Variants in TMEM232 observed in about 807,000 individuals in gnomAD.
The protein encoded by TMEM232 is transmembrane protein 232.
TMEM232 carries 80 observed loss-of-function variants against 78.8 expected under a neutral mutation model. The observed-to-expected ratio is 1.01, with a 90% CI of 0.85 to 1.22. The LOEUF (loss-of-function observed/expected upper bound fraction) is 1.22, where lower values mean the gene tolerates loss of function less well. TMEM232 is among the 50% of genes most tolerant of loss of function. The pLI is 0.00. For missense variants in TMEM232, 881 were observed against 742.2 expected, an observed-to-expected ratio of 1.19 and a Z score of -2.17; for synonymous variants, 297 against 254.3, an observed-to-expected ratio of 1.17 and a Z score of -1.60.
At position 110,654,115 on chromosome 5, in the gene TMEM232, A is replaced by C. The variant is rs568096136; in HGVS notation, c.126-11744T>G. On this transcript the variant is annotated intron_variant, in intron 2 of 13. Transcript: ENST00000455884. ...TATGGGGTGCAAATTCCTTCTCTGA[A>C]AAGTGTTCGTTATTAACAGTCCCTG... Among the ~76,000 whole-genome samples the C allele has an allele frequency of 2.0e-5, 3 of 152,298 alleles. No individual in the cohort carries two copies. In the East Asian group the frequency reaches 5.8e-4, roughly 29 times the overall value.
At chr5:110,603,038 G>A (rs1781133786) in intron 10 of TMEM232, among the ~76,000 whole-genome samples, 1 of 152,036 alleles carries the variant, frequency 6.6e-6, no homozygotes, top group Non-Finnish European at 1.5e-5. Flanking sequence ...AACTCACATA[G>A]GAACAGAAAA....
intron 3 of TMEM232, among the ~76,000 whole-genome samples, chr5:110,395,497 C>T (rs1422740940): frequency 6.6e-6 from 1 of 152,104 alleles, no homozygotes; most frequent in Non-Finnish European, 1.5e-5. Context: ...TCTCATGTCT[C>T]GACTCTTATT....
At chr5:110,415,699 G>A (rs1277847803), downstream of TMEM232, among the ~76,000 whole-genome samples, 5 of 152,024 alleles carry the variant, frequency 3.3e-5, no homozygotes, top group African/African-American at 1.2e-4. Context: ...CAAAAAGCTA[G>A]AGCTAGAGAT....
intron 1 of TMEM232, among the ~76,000 whole-genome samples, chr5:110,704,500 C>T (rs1795733420): frequency 6.6e-6 from 1 of 152,024 alleles, no homozygotes; most frequent in Non-Finnish European, 1.5e-5. Context: ...ATTTTTTTAA[C>T]ATATACCTTT....
At chr5:110,676,564 C>A (rs1388515465) in intron 1 of TMEM232, among the ~76,000 whole-genome samples, 1 of 151,800 alleles carries the variant, frequency 6.6e-6, no homozygotes. Context: ...AGCCACCACA[C>A]CCATCTAATG....
At chr5:110,409,210 G>T (rs186360237) in intron 2 of TMEM232, among the ~76,000 whole-genome samples, 2 of 152,232 alleles carry the variant, frequency 1.3e-5, no homozygotes, top group Admixed American at 1.3e-4. Flanking sequence ...TTTATGTCCT[G>T]CTGTTGGTTT....
chr5:110,505,131 C>T (rs942938159), intron 12 of TMEM232, among the ~76,000 whole-genome samples: 6 of 152,132 alleles, frequency 3.9e-5, no homozygotes, highest in Admixed American at 2.0e-4. Flanking sequence ...CTTATACTAA[C>T]TCTGATTCCC....
chr5:110,395,031 G>A (rs762655036), intron 3 of TMEM232, among the ~76,000 whole-genome samples: 11 of 152,052 alleles, frequency 7.2e-5, no homozygotes, highest in South Asian at 2.1e-4. Context: ...GAGTCTTGTG[G>A]GTTAGGTAAT....
intron 12 of TMEM232, among the ~76,000 whole-genome samples, chr5:110,522,160 G>T (rs1208849632): frequency 6.6e-6 from 1 of 152,000 alleles, no homozygotes; most frequent in Non-Finnish European, 1.5e-5. Flanking sequence ...TTATTTCCAA[G>T]TATTTTATTC....
chr5:110,707,216 T>C (rs1317241521), intron 1 of TMEM232, among the ~76,000 whole-genome samples: 3 of 152,140 alleles, frequency 2.0e-5, no homozygotes, highest in African/African-American at 7.2e-5. Flanking sequence ...CAGTACCTGA[T>C]TTTAACTTCA....
chr5:110,708,635 G>T (rs1044958677), intron 1 of TMEM232, among the ~76,000 whole-genome samples: 4 of 152,078 alleles, frequency 2.6e-5, no homozygotes, highest in Non-Finnish European at 5.9e-5. Context: ...ATTTCATTAT[G>T]CAATCAGCAC....
chr5:110,618,392 T>C, intron 8 of TMEM232, 37 bp downstream of exon 8: 2 of 1,546,420 alleles, frequency 1.3e-6, no homozygotes, highest in Non-Finnish European at 1.7e-6. Context: ...CAAAGATTTC[T>C]CCATGAGTTA....
intron 10 of TMEM232, among the ~76,000 whole-genome samples, chr5:110,604,486 T>G (rs975443032): frequency 3.3e-5 from 5 of 151,968 alleles, no homozygotes; most frequent in Admixed American, 3.3e-4. Context: ...AGTAAATGCC[T>G]AGAGAAAATG....
chr5:110,512,274 A>G (rs1370522544), intron 12 of TMEM232, among the ~76,000 whole-genome samples: 2 of 152,186 alleles, frequency 1.3e-5, no homozygotes, highest in Non-Finnish European at 1.5e-5. Context: ...CATTCAATAA[A>G]TAATTATTGA....
At chr5:110,398,758 T>A (rs1293647752) in intron 2 of TMEM232, among the ~76,000 whole-genome samples, 2 of 152,178 alleles carry the variant, frequency 1.3e-5, no homozygotes, top group Non-Finnish European at 2.9e-5. Flanking sequence ...TACAAAATTT[T>A]TTTTTCATTC....
chr5:110,678,087 CAG>C (rs1792260055), intron 1 of TMEM232, among the ~76,000 whole-genome samples: 2 of 152,072 alleles, frequency 1.3e-5, no homozygotes, highest in African/African-American at 4.8e-5. Context: ...TGTTTAGAGA[CAG>C]AGTCTCACTC....
intron 12 of TMEM232, among the ~76,000 whole-genome samples, chr5:110,469,943 CAA>C (rs1386215985): frequency 1.3e-5 from 2 of 152,076 alleles, no homozygotes; most frequent in Non-Finnish European, 2.9e-5. Flanking sequence ...TTTTCTTTGC[CAA>C]AGAGTGGAGT....
chr5:110,699,380 G>T (rs1795183437), intron 1 of TMEM232, among the ~76,000 whole-genome samples: 1 of 151,942 alleles, frequency 6.6e-6, no homozygotes, highest in Non-Finnish European at 1.5e-5. Flanking sequence ...GACACCAGCT[G>T]GATTTATGAC....
In TMEM232 at chr5:110,584,545, CA is replaced by C. The variant is rs1179990081; in HGVS notation, c.1277-15921del. On this transcript the variant is annotated intron_variant, in intron 10 of 13. Coordinates refer to ENST00000455884, the MANE Select transcript of TMEM232 (RefSeq NM_001039763.4). ...CAATGGGTATAACATTTCAGTAATACAAGATGAATAAGTTCTAGAGATCTGC... is the reference window on the plus strand; with the variant it reads ...CAATGGGTATAACATTTCAGTAATACAGATGAATAAGTTCTAGAGATCTGC... Among the ~76,000 whole-genome samples, 7 of 152,012 alleles carry C rather than the reference CA, an allele frequency of 4.6e-5. No individual in the cohort carries two copies. In the East Asian group the frequency reaches 1.2e-3, roughly 25 times the overall value.
Sources: allele counts gnomAD v4.1 joint callset (sites outside exome capture counted in the v4.1 genomes callset), GRCh38; gene constraint gnomAD v4.1.1; transcripts MANE v1.5; gene names NCBI Gene and HGNC (gene_info 2026-07-23, HGNC 2026-07-21).